The following COLEC12 variants were observed in gnomAD, a reference collection of about 807,000 sequenced individuals.
COLEC12 encodes collectin subfamily member 12.
Under a neutral mutation model 71.1 loss-of-function variants are expected in COLEC12, and 33 were observed. The observed-to-expected ratio is 0.46, with a 90% CI of 0.35 to 0.62. COLEC12 has a LOEUF of 0.62. Ranked by LOEUF, COLEC12 falls within the 20% of genes least tolerant of loss-of-function variation. The pLI, the probability that COLEC12 is intolerant of heterozygous loss-of-function variation, is 0.00. For synonymous variants in COLEC12, 350 were observed against 353.0 expected, an observed-to-expected ratio of 0.99 and a Z score of 0.10; for missense variants, 765 against 916.1, an observed-to-expected ratio of 0.84 and a Z score of 2.13.
rs577484363 is a variant in COLEC12 at position 330,262 on chromosome 18, C to G, written c.2063+1406G>C. Reference sequence around the variant, plus strand: ...GGCTTCTCCATCACCTCTGACCCTCCTCCCTGCTGCTCAGCTGATACAGGG... The same window carrying G: ...GGCTTCTCCATCACCTCTGACCCTCGTCCCTGCTGCTCAGCTGATACAGGG... On this transcript the variant is annotated intron_variant, in intron 8 of 9. Coordinates refer to ENST00000400256, the MANE Select transcript of COLEC12 (RefSeq NM_130386.3). Among the ~76,000 whole-genome samples the G allele has an allele frequency of 7.9e-5, 12 of 152,338 alleles. No homozygotes were observed. The South Asian group carries it at 2.1e-3, about 26-fold the overall frequency.
At chr18:361,642 T>A (rs981531471) in intron 2 of COLEC12, among the ~76,000 whole-genome samples, 1 of 152,160 alleles carries the variant, frequency 6.6e-6, no homozygotes, top group African/African-American at 2.4e-5. Context: ...AAAGACTCTT[T>A]ACATCCAATA....
chr18:472,740 T>C (rs1241602583), intron 2 of COLEC12, among the ~76,000 whole-genome samples: 1 of 102,126 alleles, frequency 9.8e-6, no homozygotes, highest in South Asian at 2.9e-4. Flanking sequence ...GAAAAGAAAA[T>C]AGACTCCTTT....
At chr18:439,420 A>C (rs1370721943) in intron 2 of COLEC12, among the ~76,000 whole-genome samples, 4 of 152,096 alleles carry the variant, frequency 2.6e-5, no homozygotes, top group African/African-American at 7.2e-5. Context: ...TGGAACACAC[A>C]CAGAGAGAAT....
rs777862586 is a variant in COLEC12, at chr18:335,057, A to G, written c.1501T>C (p.Ser501Pro). ...GPPGERGGKG[S>P]KGSQGPKGSR... ...CCTTTGGGGCCCTGGGAGCCTTTAGATCCTTTGCCGCCACGCTCTCCGGGG... is the reference window on the plus strand; with the variant it reads ...CCTTTGGGGCCCTGGGAGCCTTTAGGTCCTTTGCCGCCACGCTCTCCGGGG... The change falls in exon 6 of 10, where the codon TCT becomes CCT. Residue 501 changes from serine to proline, a missense_variant. Physicochemically the swap from Ser to Pro is moderately conservative, Grantham distance 74 (BLOSUM62 -1). Coordinates refer to ENST00000400256, the MANE Select transcript of COLEC12 (RefSeq NM_130386.3). 4 of 1,606,950 alleles carry G rather than the reference A, an allele frequency of 2.5e-6. No individual in the cohort carries two copies. In the African/African-American group the frequency reaches 5.4e-5, roughly 22 times the overall value.
At position 317,564 on chromosome 18, in the gene COLEC12, A is replaced by G. The variant is rs886984359; in HGVS notation, c.*2481T>C. On this transcript the variant is annotated 3_prime_UTR_variant, in exon 10 of 10. Coordinates refer to ENST00000400256, the MANE Select transcript of COLEC12 (RefSeq NM_130386.3). ...TTGGACCAGTGCCTGATAAATAATAAGCACTTGGTAAGTTATTATTAGGGC... is the reference window on the plus strand; with the variant it reads ...TTGGACCAGTGCCTGATAAATAATAGGCACTTGGTAAGTTATTATTAGGGC... The G allele has an allele frequency of 2.0e-5, 3 of 152,238 alleles. No individual in the cohort carries two copies. Among genetic ancestry groups the G allele is most frequent in the African/African-American group, 7.2e-5 (3 of 41,454 alleles). The allele number at this position is 152,238 out of a possible 1,614,324, so 9.4% of individuals were successfully genotyped here.
intron 2 of COLEC12, among the ~76,000 whole-genome samples, chr18:402,005 T>C (rs1230348495): frequency 2.6e-5 from 4 of 152,218 alleles, no homozygotes; most frequent in South Asian, 4.1e-4. Flanking sequence ...TCAGAACTCC[T>C]TCCAGGCTTG....
At chr18:398,291 A>C (rs1168504298) in intron 2 of COLEC12, among the ~76,000 whole-genome samples, 1 of 152,240 alleles carries the variant, frequency 6.6e-6, no homozygotes. Context: ...TAGAGCCCTT[A>C]TATACCTTTT....
chr18:432,545 A>T (rs1916324974), intron 2 of COLEC12, among the ~76,000 whole-genome samples: 1 of 152,174 alleles, frequency 6.6e-6, no homozygotes, highest in Non-Finnish European at 1.5e-5. Context: ...TTAGGGAAAA[A>T]TTTGGGTGTA....
intron 2 of COLEC12, among the ~76,000 whole-genome samples, chr18:372,669 C>T (rs604164): frequency 0.038 from 5,730 of 152,230 alleles, 154 homozygotes; most frequent in Non-Finnish European, 0.058. Context: ...CCACCTGCCT[C>T]GGCCTCCCAA....
chr18:417,508 C>T, intron 2 of COLEC12, among the ~76,000 whole-genome samples: 1 of 152,084 alleles, frequency 6.6e-6, no homozygotes, highest in East Asian at 1.9e-4. Context: ...AGTTCCCTTC[C>T]CCTAAGGACC....
At chr18:387,242 T>G (rs1259457499) in intron 2 of COLEC12, among the ~76,000 whole-genome samples, 3 of 152,228 alleles carry the variant, frequency 2.0e-5, no homozygotes, top group Non-Finnish European at 4.4e-5. Context: ...GGATAAAGAA[T>G]GTTCTGCTTT....
intron 2 of COLEC12, among the ~76,000 whole-genome samples, chr18:401,563 A>C (rs1658536667): frequency 6.6e-6 from 1 of 152,238 alleles, no homozygotes; most frequent in Non-Finnish European, 1.5e-5. Flanking sequence ...ACTTGTCCTT[A>C]GTGCTCAGCG....
At chr18:464,243 T>C (rs1598373238) in intron 2 of COLEC12, among the ~76,000 whole-genome samples, 1 of 152,208 alleles carries the variant, frequency 6.6e-6, no homozygotes, top group Non-Finnish European at 1.5e-5. Flanking sequence ...GTAGCAACCT[T>C]GAGAGCAGAA....
At chr18:416,676 C>T (rs986379960) in intron 2 of COLEC12, among the ~76,000 whole-genome samples, 1 of 152,140 alleles carries the variant, frequency 6.6e-6, no homozygotes, top group African/African-American at 2.4e-5. Flanking sequence ...TGCCACGGCA[C>T]AAACACTGTT....
At chr18:464,321 C>T (rs1445648527) in intron 2 of COLEC12, among the ~76,000 whole-genome samples, 6 of 152,238 alleles carry the variant, frequency 3.9e-5, no homozygotes, top group African/African-American at 1.4e-4. Flanking sequence ...GACAGTCTAT[C>T]ACTTAACAAT....
chr18:448,837 C>T (rs1301144507), intron 2 of COLEC12, among the ~76,000 whole-genome samples: 1 of 152,036 alleles, frequency 6.6e-6, no homozygotes, highest in African/African-American at 2.4e-5. Context: ...CTATACTGTA[C>T]CCAAACCTCA....
In COLEC12 at chr18:317,203, G is replaced by A. The variant is rs534430886; in HGVS notation, c.*2842C>T. The A allele has an allele frequency of 6.6e-6, 1 of 152,368 alleles. No individual in the cohort carries two copies. The highest frequency in any genetic ancestry group is 1.9e-4 in the East Asian group (1 of 5,182). The allele number at this position is 152,368 out of a possible 1,614,324, so 9.4% of individuals were successfully genotyped here. A position where few individuals can be genotyped will look rare whatever the true frequency, so the allele number is the denominator to read the frequency against. ...ATCGCGCCACCGCACTCCAGCCTGGGTGACAGAGCGAGACTCTGTCTTAAA... is the reference window on the plus strand; with the variant it reads ...ATCGCGCCACCGCACTCCAGCCTGGATGACAGAGCGAGACTCTGTCTTAAA... On this transcript the variant is annotated 3_prime_UTR_variant, in exon 10 of 10. Coordinates refer to ENST00000400256, the MANE Select transcript of COLEC12 (RefSeq NM_130386.3).
intron 1 of COLEC12, among the ~76,000 whole-genome samples, chr18:497,641 C>A (rs947877099): frequency 3.3e-5 from 5 of 152,304 alleles, no homozygotes; most frequent in African/African-American, 7.2e-5. Context: ...ATATGGTGAT[C>A]CGCCTGCCTC....
chr18:473,640 G>GGC (rs1917246998), intron 2 of COLEC12, among the ~76,000 whole-genome samples: 1 of 152,244 alleles, frequency 6.6e-6, no homozygotes, highest in Non-Finnish European at 1.5e-5. Context: ...TGGGATTACA[G>GGC]GCGTAAGCCA....
Sources: allele counts gnomAD v4.1 joint callset (sites outside exome capture counted in the v4.1 genomes callset), GRCh38; gene constraint gnomAD v4.1.1; transcripts MANE v1.5; gene names NCBI Gene and HGNC (gene_info 2026-07-23, HGNC 2026-07-21).